The following MAP3K14 variants were observed in gnomAD, a reference collection of about 807,000 sequenced individuals.
MAP3K14 encodes the protein mitogen-activated protein kinase kinase kinase 14, also known as NF-kappa-beta-inducing kinase.
MAP3K14 carries 16 observed loss-of-function variants against 99.2 expected under a neutral mutation model. The ratio of observed to expected loss-of-function variants is 0.16; its 90% CI spans 0.11 to 0.24. MAP3K14 has a LOEUF of 0.24. Among genes scored for constraint, MAP3K14 ranks in the 10% least tolerant of loss-of-function variants. The pLI is 1.00. For missense variants in MAP3K14, 784 were observed against 1,208.7 expected (o/e 0.65, Z 5.21); for synonymous variants, 462 against 492.4 (o/e 0.94, Z 0.82).
intron 1 of MAP3K14, among the ~76,000 whole-genome samples, chr17:45,310,030 T>A (rs1447271258): frequency 7.0e-6 from 1 of 143,602 alleles, no homozygotes; most frequent in African/African-American, 2.6e-5. Flanking sequence ...AGTCCATCTT[T>A]TTTTTTTTTT....
rs764584805 is a variant in MAP3K14 at position 45,284,900 on chromosome 17, G to A, written c.1202C>T (p.Thr401Met). 25 of 1,557,892 alleles carry A rather than the reference G, an allele frequency of 1.6e-5. No individual in the cohort carries two copies. Among genetic ancestry groups the A allele is most frequent in the Non-Finnish European group, 2.0e-5 (23 of 1,150,694 alleles). ...GCCTCTGCCCAGGCGGAGCTGGTGC[G>A]TGGCCCAGTGGACTTCTTCTCGGTA... ...YEYREEVHWA[T>M]HQLRLGRGSF... is the part of the protein sequence containing the mutation. Residue 401 changes from threonine (T) to methionine (M), a missense_variant, in exon 6 of 16, where the codon ACG becomes ATG. Thr to Met is a moderately conservative substitution (Grantham distance 81). Transcript: ENST00000344686.
intron 1 of MAP3K14, among the ~76,000 whole-genome samples, chr17:45,298,238 AAAGG>A (rs2044360799): frequency 6.6e-6 from 1 of 152,228 alleles, no homozygotes; most frequent in African/African-American, 2.4e-5. Flanking sequence ...CCAGAAGAAT[AAAGG>A]AGGAAAAATA....
At chr17:45,276,099 T>C (rs2044178343) in intron 6 of MAP3K14, among the ~76,000 whole-genome samples, 1 of 152,138 alleles carries the variant, frequency 6.6e-6, no homozygotes, top group Non-Finnish European at 1.5e-5. Flanking sequence ...AACATCCACA[T>C]AGACAGAGCA....
At chr17:45,298,525 C>G (rs866301729) in intron 1 of MAP3K14, among the ~76,000 whole-genome samples, 4 of 152,310 alleles carry the variant, frequency 2.6e-5, no homozygotes, top group African/African-American at 9.6e-5. Flanking sequence ...ATATTAACCA[C>G]AAAGAAGTAA....
intron 11 of MAP3K14, among the ~76,000 whole-genome samples, chr17:45,269,542 CA>C (rs1202045484): frequency 1.3e-5 from 2 of 152,116 alleles, no homozygotes; most frequent in Non-Finnish European, 2.9e-5. Flanking sequence ...GAGACATAGG[CA>C]GGATTAGAGG....
intron 2 of MAP3K14, among the ~76,000 whole-genome samples, chr17:45,289,809 T>C (rs2044296431): frequency 6.6e-6 from 1 of 152,174 alleles, no homozygotes; most frequent in African/African-American, 2.4e-5. Context: ...GATGTATGCG[T>C]GTGGAGAAAT....
intron 5 of MAP3K14, 114 bp from the exon 6 acceptor site, chr17:45,285,063 G>T: frequency 8.2e-7 from 1 of 1,212,772 alleles, no homozygotes; most frequent in Non-Finnish European, 1.1e-6. Context: ...GCTGAGCTGA[G>T]CCCTCACAAC....
chr17:45,275,071 G>A (rs1285680083), intron 6 of MAP3K14, among the ~76,000 whole-genome samples: 2 of 151,940 alleles, frequency 1.3e-5, no homozygotes, highest in Non-Finnish European at 2.9e-5. Flanking sequence ...CCCAGGAGGC[G>A]GAGCTTGCAG....
intron 1 of MAP3K14, among the ~76,000 whole-genome samples, chr17:45,305,243 C>T (rs908280453): frequency 2.0e-5 from 3 of 151,742 alleles, no homozygotes; most frequent in Non-Finnish European, 4.4e-5. Context: ...ACTACAGGCA[C>T]CCGCCACCAC....
chr17:45,301,169 A>G (rs1430769695), intron 1 of MAP3K14, among the ~76,000 whole-genome samples: 3 of 146,580 alleles, frequency 2.0e-5, no homozygotes. Flanking sequence ...TCCTGTTTCA[A>G]AAAAAAAAAA....
At position 45,287,259 on chromosome 17, in the gene MAP3K14, C is replaced by T; in HGVS notation, c.432G>A (p.Lys144=). The T allele has an allele frequency of 6.2e-7, 1 of 1,614,040 alleles. No homozygotes were observed. The highest frequency in any genetic ancestry group is 8.5e-7 in the Non-Finnish European group (1 of 1,179,896). The part of the protein sequence containing the change: ...WKGKRRSKAR[K]KRKKKSSKSL... Reference sequence around the variant, plus strand: ...ACTTTGAGCTCTTCTTCTTCCGTTTCTTCCGGGCTTTGCTGCGACGCTTTC... The same window carrying T: ...ACTTTGAGCTCTTCTTCTTCCGTTTTTTCCGGGCTTTGCTGCGACGCTTTC... The change falls in exon 4 of 16, where the codon AAG becomes AAA. Residue 144 remains lysine, a synonymous_variant. Transcript: ENST00000344686.
At chr17:45,315,676 A>T (rs1007298540) in intron 1 of MAP3K14, among the ~76,000 whole-genome samples, 1 of 152,182 alleles carries the variant, frequency 6.6e-6, no homozygotes, top group Non-Finnish European at 1.5e-5. Flanking sequence ...TCTCAGTTCT[A>T]TAATGTGGTC....
At chr17:45,297,873 C>T (rs4792813) in intron 1 of MAP3K14, among the ~76,000 whole-genome samples, 3,537 of 152,178 alleles carry the variant, frequency 0.023, 126 homozygotes, top group East Asian at 0.15. Flanking sequence ...CATGTGCCAC[C>T]ACATCTGGCT....
intron 6 of MAP3K14, among the ~76,000 whole-genome samples, chr17:45,280,052 G>A (rs1172755533): frequency 1.3e-5 from 2 of 152,184 alleles, no homozygotes; most frequent in African/African-American, 4.8e-5. Flanking sequence ...TCTGTCCCCA[G>A]CCCCTGCACA....
At chr17:45,269,037 T>A (rs895014012) in intron 11 of MAP3K14, among the ~76,000 whole-genome samples, 1 of 152,140 alleles carries the variant, frequency 6.6e-6, no homozygotes, top group Non-Finnish European at 1.5e-5. Flanking sequence ...TTATTTATTT[T>A]TTGAGTCGGG....
chr17:45,271,797 A>T (rs1007982944), intron 9 of MAP3K14, among the ~76,000 whole-genome samples: 2 of 152,180 alleles, frequency 1.3e-5, no homozygotes, highest in African/African-American at 4.8e-5. Context: ...AGTGTTTTTT[A>T]AAAATGGGGC....
chr17:45,307,697 T>C (rs1393056506), intron 1 of MAP3K14, among the ~76,000 whole-genome samples: 2 of 152,182 alleles, frequency 1.3e-5, no homozygotes, highest in African/African-American at 2.4e-5. Flanking sequence ...CGTCTACCTG[T>C]GTTCAGAAAA....
At chr17:45,310,073 C>T (rs867164709) in intron 1 of MAP3K14, among the ~76,000 whole-genome samples, 4 of 132,286 alleles carry the variant, frequency 3.0e-5, no homozygotes, top group Non-Finnish European at 4.6e-5. Context: ...TCGCTCTTGT[C>T]GCCCAGGCTG....
At chr17:45,308,467 T>C (rs1159510419) in intron 1 of MAP3K14, among the ~76,000 whole-genome samples, 1 of 152,158 alleles carries the variant, frequency 6.6e-6, no homozygotes, top group Non-Finnish European at 1.5e-5. Context: ...CAGTTATGTG[T>C]TTATTAGCTG....
Sources: allele counts gnomAD v4.1 joint callset (sites outside exome capture counted in the v4.1 genomes callset), GRCh38; gene constraint gnomAD v4.1.1; transcripts MANE v1.5; gene names NCBI Gene and HGNC (gene_info 2026-07-23, HGNC 2026-07-21).